DPP6: variants seen among roughly 807,000 people sequenced by gnomAD.
The protein encoded by DPP6 is A-type potassium channel modulatory protein DPP6.
DPP6 carries 69 observed loss-of-function variants against 122.6 expected under a neutral mutation model. That is an observed-to-expected ratio of 0.56 (90% CI 0.46 to 0.69). DPP6 has a LOEUF of 0.69. Ranked by LOEUF, DPP6 falls within the 30% of genes least tolerant of loss-of-function variation. The probability of loss-of-function intolerance (pLI) is 0.00; values close to 1 mark genes in which losing one functional copy is unlikely to be tolerated. For missense variants in DPP6, 928 were observed against 1,116.9 expected, an observed-to-expected ratio of 0.83 and a Z score of 2.41; for synonymous variants, 418 against 433.1, an observed-to-expected ratio of 0.97 and a Z score of 0.43.
the DPP6 span, among the ~76,000 whole-genome samples, chr7:153,846,190 T>A: frequency 6.6e-6 from 1 of 152,326 alleles, no homozygotes; most frequent in African/African-American, 2.4e-5. Context: ...CTAATGAGTT[T>A]TAATTATTTT....
intron 1 of DPP6, among the ~76,000 whole-genome samples, chr7:153,932,397 A>G (rs1345652944): frequency 7.2e-5 from 11 of 152,252 alleles, no homozygotes; most frequent in Non-Finnish European, 1.3e-4. Context: ...TGCTGGGATT[A>G]CAGGTGTAGG....
chr7:154,184,694 AAAG>A (rs1171056087), intron 1 of DPP6, among the ~76,000 whole-genome samples: 3 of 152,184 alleles, frequency 2.0e-5, no homozygotes, highest in African/African-American at 7.2e-5. Context: ...AAAAAAAAAA[AAAG>A]TAGCTGACCT....
rs1842138114 is a variant in DPP6, at chr7:154,727,787, T to C, written c.783T>C (p.Asn261=). ...ATTAGATATTTATTTTTGAAAACAA[T>C]ATCTACTACTGTGCACATGTCGGGA... ...GQQLIFIFEN[N]IYYCAHVGKQ... Residue 261 remains asparagine, a synonymous_variant, in exon 8 of 26, where the codon AAT becomes AAC. Coordinates refer to ENST00000377770, the MANE Select transcript of DPP6 (RefSeq NM_130797.4). 1.9e-6 allele frequency: 3 copies of C among 1,612,118 alleles called. No individual in the cohort carries two copies. Among genetic ancestry groups the C allele is most frequent in the Non-Finnish European group, 2.5e-6 (3 of 1,178,894 alleles).
At chr7:154,245,510 C>A (rs1801918949) in intron 1 of DPP6, among the ~76,000 whole-genome samples, 1 of 151,332 alleles carries the variant, frequency 6.6e-6, no homozygotes, top group Non-Finnish European at 1.5e-5. Flanking sequence ...TGGCGGGTGG[C>A]CTATAATCCC....
chr7:153,802,306 C>T, the DPP6 span, among the ~76,000 whole-genome samples: 5 of 152,154 alleles, frequency 3.3e-5, no homozygotes, highest in South Asian at 2.1e-4. Context: ...ATAGCTCAAT[C>T]CCAAAACCAG....
At chr7:154,098,341 T>C (rs2150564390) in intron 1 of DPP6, among the ~76,000 whole-genome samples, 1 of 152,306 alleles carries the variant, frequency 6.6e-6, no homozygotes, top group South Asian at 2.1e-4. Context: ...GAACTGTGAG[T>C]CAATTAAACC....
chr7:154,272,856 C>G (rs1035055058), intron 1 of DPP6, among the ~76,000 whole-genome samples: 1 of 152,164 alleles, frequency 6.6e-6, no homozygotes, highest in Non-Finnish European at 1.5e-5. Flanking sequence ...ACCCTCACAG[C>G]CAATCCTGAA....
At chr7:154,777,347 T>C (rs891694381) in intron 10 of DPP6, among the ~76,000 whole-genome samples, 7 of 152,130 alleles carry the variant, frequency 4.6e-5, no homozygotes, top group Non-Finnish European at 7.4e-5. Context: ...TTGGAGGCCC[T>C]CTTGGGAAAC....
At chr7:153,954,543 G>C (rs1802369208) in intron 1 of DPP6, among the ~76,000 whole-genome samples, 1 of 152,180 alleles carries the variant, frequency 6.6e-6, no homozygotes, top group South Asian at 2.1e-4. Flanking sequence ...GTAGGCCTTG[G>C]TGCCTTGATG....
At chr7:154,384,737 C>CTTTTTTT (rs757829890) in intron 1 of DPP6, among the ~76,000 whole-genome samples, 9 of 74,352 alleles carry the variant, frequency 1.2e-4, no homozygotes, top group African/African-American at 2.5e-4. Context: ...TTCTTTCTTT[C>CTTTTTTT]TTTTATTTTT....
chr7:153,871,576 A>C, the DPP6 span, among the ~76,000 whole-genome samples: 9,679 of 152,206 alleles, frequency 0.064, 514 homozygotes, highest in East Asian at 0.25. Flanking sequence ...TAGGAAAGGG[A>C]GTTCCCTGAC....
chr7:154,549,813 G>T (rs1052040263), intron 4 of DPP6, among the ~76,000 whole-genome samples: 1 of 152,252 alleles, frequency 6.6e-6, no homozygotes, highest in Middle Eastern at 3.4e-3. Flanking sequence ...CCAATCTCCT[G>T]AATAATGAAT....
chr7:154,650,662 C>T lies in DPP6; in HGVS notation c.680+12789C>T, dbSNP rs146550022. 4.2e-3 allele frequency among the ~76,000 whole-genome samples: 640 copies of T among 152,294 alleles called. 8 individuals are homozygous for T. The highest frequency in any genetic ancestry group is 0.015 in the African/African-American group (608 of 41,556). On this transcript the variant is annotated intron_variant, in intron 6 of 25. Transcript: ENST00000377770. ...CCCAGGACCCTCAGCTCAGTCACAG[C>T]ACAGCGTTACCAGGATGTCAGACAC...
At chr7:153,977,694 C>T (rs1473050678) in intron 1 of DPP6, among the ~76,000 whole-genome samples, 2 of 152,146 alleles carry the variant, frequency 1.3e-5, no homozygotes, top group Non-Finnish European at 2.9e-5. Context: ...TCTCCTAATG[C>T]TATCCCTCCC....
chr7:154,279,611 G>A (rs551122788), intron 1 of DPP6, among the ~76,000 whole-genome samples: 13 of 152,294 alleles, frequency 8.5e-5, no homozygotes, highest in Admixed American at 5.2e-4. Context: ...TGATCATTAC[G>A]TTCACGTTGC....
chr7:154,103,269 C>A (rs935060288), intron 1 of DPP6, among the ~76,000 whole-genome samples: 2 of 152,138 alleles, frequency 1.3e-5, no homozygotes, highest in African/African-American at 4.8e-5. Flanking sequence ...TTGCAGGAAG[C>A]GACTCCATTC....
At chr7:154,331,668 G>T (rs759263) in intron 1 of DPP6, among the ~76,000 whole-genome samples, 2 of 152,014 alleles carry the variant, frequency 1.3e-5, no homozygotes, top group African/African-American at 2.4e-5. Flanking sequence ...CGCAGCACAT[G>T]GGAGCGTGCT....
chr7:154,030,938 C>T (rs1684567755), intron 1 of DPP6, among the ~76,000 whole-genome samples: 1 of 152,126 alleles, frequency 6.6e-6, no homozygotes, highest in East Asian at 1.9e-4. Flanking sequence ...CTCTTCTGGA[C>T]TCCCCAGTGT....
intron 8 of DPP6, among the ~76,000 whole-genome samples, chr7:154,767,949 C>G (rs994266523): frequency 6.6e-6 from 1 of 152,158 alleles, no homozygotes; most frequent in Non-Finnish European, 1.5e-5. Flanking sequence ...GACAGGGGAG[C>G]GAGGCTCAAT....
Sources: allele counts gnomAD v4.1 joint callset (sites outside exome capture counted in the v4.1 genomes callset), GRCh38; gene constraint gnomAD v4.1.1; transcripts MANE v1.5; gene names NCBI Gene and HGNC (gene_info 2026-07-23, HGNC 2026-07-21).